Variants in SIL1 observed in about 807,000 individuals in gnomAD.
SIL1 encodes nucleotide exchange factor SIL1.
Under a neutral mutation model 49.1 loss-of-function variants are expected in SIL1, and 40 were observed. The observed-to-expected ratio is 0.81, with a 90% CI of 0.63 to 1.06. The LOEUF (loss-of-function observed/expected upper bound fraction) is 1.06. SIL1 is among the 50% of genes least tolerant of loss of function. SIL1 has a pLI of 0.00. For missense variants in SIL1, 500 were observed against 572.6 expected (o/e 0.87, Z 1.29); for synonymous variants, 253 against 250.8 (o/e 1.01, Z -0.08).
intron 3 of SIL1, 51 bp downstream of exon 3, chr5:139,120,984 T>G (rs779939834): frequency 2.5e-6 from 4 of 1,611,360 alleles, no homozygotes; most frequent in Admixed American, 3.3e-5. Context: ...AAAGGACATA[T>G]GCAGTTTGAA....
chr5:139,041,259 C>G (rs548995900), intron 5 of SIL1, among the ~76,000 whole-genome samples: 1 of 152,246 alleles, frequency 6.6e-6, no homozygotes, highest in African/African-American at 2.4e-5. Flanking sequence ...ACCACATACA[C>G]TCTCCGTGTA....
At chr5:139,121,241 C>G (rs1297391098) in intron 2 of SIL1, 68 bp from the exon 3 acceptor site, 1 of 1,608,102 alleles carries the variant, frequency 6.2e-7, no homozygotes, top group East Asian at 2.2e-5. Context: ...AAAAAATGGC[C>G]TAGGGTGGCA....
At chr5:139,191,278 T>G (rs979333022) in intron 1 of SIL1, among the ~76,000 whole-genome samples, 9 of 149,906 alleles carry the variant, frequency 6.0e-5, no homozygotes, top group Non-Finnish European at 1.0e-4. Context: ...AACTTACTTA[T>G]GAGCTGGCCC....
At chr5:139,101,976 G>GA (rs1274693857) in intron 3 of SIL1, among the ~76,000 whole-genome samples, 1 of 152,194 alleles carries the variant, frequency 6.6e-6, no homozygotes, top group Non-Finnish European at 1.5e-5. Flanking sequence ...AAAACGCCTG[G>GA]AAAAGAGTTT....
chr5:138,951,101 C>G, intron 9 of SIL1, 70 bp downstream of exon 9: 1 of 1,533,722 alleles, frequency 6.5e-7, no homozygotes, highest in Non-Finnish European at 8.9e-7. Context: ...TCTCTTCCAT[C>G]TGTCTGTCCA....
At chr5:139,072,344 A>C (rs1271559859) in intron 3 of SIL1, among the ~76,000 whole-genome samples, 1 of 152,244 alleles carries the variant, frequency 6.6e-6, no homozygotes, top group African/African-American at 2.4e-5. Context: ...AATAGAGATG[A>C]ATTCAACGAA....
chr5:139,118,713 G>A (rs1225396511), intron 3 of SIL1, among the ~76,000 whole-genome samples: 1 of 152,112 alleles, frequency 6.6e-6, no homozygotes, highest in Non-Finnish European at 1.5e-5. Flanking sequence ...TTCAGAATGT[G>A]GTAAATTAAG....
chr5:139,001,902 T>TAA (rs1404882565), intron 7 of SIL1, among the ~76,000 whole-genome samples: 1 of 137,582 alleles, frequency 7.3e-6, no homozygotes. Context: ...AGACTCCGTC[T>TAA]AAAAAAAAAA....
chr5:139,000,484 A>C (rs1767961204), intron 7 of SIL1, among the ~76,000 whole-genome samples: 1 of 152,240 alleles, frequency 6.6e-6, no homozygotes, highest in Non-Finnish European at 1.5e-5. Flanking sequence ...GTAGAGGAAC[A>C]ATTATACTTC....
At chr5:139,086,284 A>AG (rs1770218492) in intron 3 of SIL1, among the ~76,000 whole-genome samples, 3 of 145,402 alleles carry the variant, frequency 2.1e-5, no homozygotes, top group Admixed American at 6.9e-5. Context: ...AAAAAAAAAA[A>AG]AAAAGAAGAA....
At chr5:138,972,097 C>T (rs1034996437) in intron 7 of SIL1, among the ~76,000 whole-genome samples, 1 of 152,150 alleles carries the variant, frequency 6.6e-6, no homozygotes, top group East Asian at 1.9e-4. Context: ...CCAAGGCCAG[C>T]TGGGGATAAG....
intron 7 of SIL1, among the ~76,000 whole-genome samples, chr5:139,001,103 T>A (rs186449920): frequency 2.6e-4 from 39 of 152,108 alleles, no homozygotes; most frequent in Admixed American, 5.9e-4. Flanking sequence ...CTACTCAATT[T>A]ATATAGTAGT....
chr5:139,146,114 G>T (rs780113786), intron 1 of SIL1, among the ~76,000 whole-genome samples: 3 of 152,078 alleles, frequency 2.0e-5, no homozygotes, highest in Non-Finnish European at 2.9e-5. Context: ...AAAGTGCTGC[G>T]ATTACAGCCA....
intron 7 of SIL1, among the ~76,000 whole-genome samples, chr5:138,956,573 G>A (rs1766907050): frequency 1.3e-5 from 2 of 151,838 alleles, no homozygotes; most frequent in South Asian, 2.1e-4. Flanking sequence ...GTGAAACCCC[G>A]TCTCTACTAA....
chr5:139,040,486 TTTTTCTTTTTTC>T (rs1192055175), intron 5 of SIL1, among the ~76,000 whole-genome samples: 17 of 108,216 alleles, frequency 1.6e-4, no homozygotes, highest in African/African-American at 6.0e-4. Flanking sequence ...TATTTTTTCT[TTTTTCTTTTTTC>T]TTTTTTTTTT....
chr5:139,170,749 C>T (rs995340202), intron 1 of SIL1, among the ~76,000 whole-genome samples: 2 of 151,722 alleles, frequency 1.3e-5, no homozygotes, highest in Admixed American at 6.6e-5. Context: ...CGTCTCCGCC[C>T]GGCAGCCACC....
At chr5:139,076,729 G>GAAAT (rs1357055958) in intron 3 of SIL1, among the ~76,000 whole-genome samples, 1 of 152,120 alleles carries the variant, frequency 6.6e-6, no homozygotes, top group Admixed American at 6.6e-5. Context: ...CCAGTACAGT[G>GAAAT]GACTAAGAAA....
chr5:138,954,554 G>A (rs1766859735), intron 7 of SIL1, among the ~76,000 whole-genome samples: 1 of 152,284 alleles, frequency 6.6e-6, no homozygotes, highest in South Asian at 2.1e-4. Flanking sequence ...AGCAGAGGAA[G>A]AGGGGGAAGA....
At chr5:139,138,702 G>A (rs570860974) in intron 1 of SIL1, among the ~76,000 whole-genome samples, 93 of 152,156 alleles carry the variant, frequency 6.1e-4, no homozygotes, top group Non-Finnish European at 1.2e-3. Flanking sequence ...ATGACATAGA[G>A]CATATAGCAC....
Sources: gnomAD v4.1 joint callset for allele counts (sites outside exome capture counted in the v4.1 genomes callset) on GRCh38, gnomAD v4.1.1 for gene constraint, MANE v1.5 for transcripts, NCBI Gene and HGNC (gene_info 2026-07-23, HGNC 2026-07-21) for gene names.